Variants in RAB11FIP1 observed in about 807,000 individuals in gnomAD.
RAB11FIP1 encodes rab11 family-interacting protein 1.
Under a neutral mutation model 83.1 loss-of-function variants are expected in RAB11FIP1, and 49 were observed. The observed-to-expected ratio is 0.59, with a 90% CI of 0.47 to 0.75. RAB11FIP1 has a LOEUF of 0.75. RAB11FIP1 is among the 30% of genes least tolerant of loss of function. RAB11FIP1 has a pLI of 0.00. For missense variants in RAB11FIP1, 1,536 were observed against 1,598.7 expected, an observed-to-expected ratio of 0.96 and a Z score of 0.67; for synonymous variants, 670 against 656.0, an observed-to-expected ratio of 1.02 and a Z score of -0.33.
Position 37,899,079 on chromosome 8 carries a change from C to A in RAB11FIP1, c.363G>T (p.Arg121Ser). 1 of 1,504,142 alleles carries A rather than the reference C, an allele frequency of 6.6e-7. No homozygotes were observed. Among genetic ancestry groups the A allele is most frequent in the Non-Finnish European group, 8.8e-7 (1 of 1,135,816 alleles). The allele number at this position is 1,504,142 out of a possible 1,614,324, so 93.2% of individuals were successfully genotyped here. A position where few individuals can be genotyped will look rare whatever the true frequency, so the allele number is the denominator to read the frequency against. The change falls in exon 1 of 6, where the codon AGG becomes AGT. Residue 121 changes from arginine (R) to serine (S), a missense_variant. Arg to Ser is a moderately radical substitution (Grantham distance 110, BLOSUM62 -1). Coordinates refer to ENST00000330843, the MANE Select transcript of RAB11FIP1 (RefSeq NM_001002814.3). The surrounding 1 kb of genome is among the most constrained non-coding windows in gnomAD (Gnocchi z 4.5). ...TCCCCGCCCGCACTCACTGCGTCTT[C>A]CTGCGGCCCTGGTCGCGGTGCAGAT... is the stretch of plus-strand genomic sequence containing the variant. ...LRDLHRDQGR[R>S]KTQWYKLKSK...
At chr8:37,892,476 C>A (rs923402557) in intron 1 of RAB11FIP1, among the ~76,000 whole-genome samples, 2 of 144,066 alleles carry the variant, frequency 1.4e-5, no homozygotes, top group Non-Finnish European at 3.1e-5. Context: ...TATTTTGAGA[C>A]GGAGTTTTGC....
At chr8:37,881,327 T>G (rs1806730494) in intron 1 of RAB11FIP1, among the ~76,000 whole-genome samples, 1 of 152,250 alleles carries the variant, frequency 6.6e-6, no homozygotes, top group Non-Finnish European at 1.5e-5. Flanking sequence ...CCAAGACTCC[T>G]GCTTTAAATT....
chr8:37,868,149 C>G (rs1308111046), intron 5 of RAB11FIP1, among the ~76,000 whole-genome samples: 1 of 152,094 alleles, frequency 6.6e-6, no homozygotes, highest in Non-Finnish European at 1.5e-5. Flanking sequence ...AGGCTGGGCG[C>G]GGTGGCTCAC....
At chr8:37,880,442 G>T (rs900729755) in intron 1 of RAB11FIP1, among the ~76,000 whole-genome samples, 2 of 152,058 alleles carry the variant, frequency 1.3e-5, no homozygotes, top group Non-Finnish European at 2.9e-5. Flanking sequence ...GGGACTACAG[G>T]TATATGCCAC....
In RAB11FIP1 at chr8:37,877,254, C is replaced by A; in HGVS notation, c.669G>T (p.Lys223Asn). 13 of 1,614,198 alleles carry A rather than the reference C, an allele frequency of 8.1e-6. No individual in the cohort carries two copies. Among genetic ancestry groups the A allele is most frequent in the Non-Finnish European group, 5.9e-6 (7 of 1,180,040 alleles). Reference protein sequence around the residue: ...KKSKIKTLLSKSNLQKTPLSQ... With the variant: ...KKSKIKTLLSNSNLQKTPLSQ... Reference sequence around the variant, plus strand: ...AAAGAGGCGTCTTCTGCAAATTTGACTTGGAAAGTAAGGTCTTGATCTTTG... The same window carrying A: ...AAAGAGGCGTCTTCTGCAAATTTGAATTGGAAAGTAAGGTCTTGATCTTTG... Residue 223 changes from lysine (K) to asparagine (N), a missense_variant, in exon 2 of 6, where the codon AAG becomes AAT. Transcript: ENST00000330843.
At position 37,871,766 on chromosome 8, in the gene RAB11FIP1, C is replaced by G; in HGVS notation, c.3036G>C (p.Lys1012Asn). 6.2e-7 allele frequency: 1 copy of G among 1,613,962 alleles called. No individual in the cohort carries two copies. Among genetic ancestry groups the G allele is most frequent in the Non-Finnish European group, 8.5e-7 (1 of 1,179,962 alleles). ...GLVVPCPERGKGPSGEADRLV... is the reference protein window; with the variant it reads ...GLVVPCPERGNGPSGEADRLV... ...ACCTATCTGCCTCGCCACTGGGCCCCTTTCCCCTCTCAGGACAGGGGACTA... is the reference window on the plus strand; with the variant it reads ...ACCTATCTGCCTCGCCACTGGGCCCGTTTCCCCTCTCAGGACAGGGGACTA... Residue 1012 changes from lysine to asparagine, a missense_variant, in exon 4 of 6, where the codon AAG becomes AAC. Coordinates refer to ENST00000330843, the MANE Select transcript of RAB11FIP1 (RefSeq NM_001002814.3).
Position 37,873,462 on chromosome 8 carries a change from C to T in RAB11FIP1, c.1623-283G>A, listed in dbSNP as rs576742989. 3.9e-5 allele frequency among the ~76,000 whole-genome samples: 6 copies of T among 152,102 alleles called. No homozygotes were observed. In the South Asian group the frequency reaches 8.3e-4, roughly 21 times the overall value. On this transcript the variant is annotated intron_variant, in intron 3 of 5. Coordinates refer to ENST00000330843, the MANE Select transcript of RAB11FIP1 (RefSeq NM_001002814.3). ...TCTACTGAAAAATGCAAAAATTAGC[C>T]GGGTGTGGTGGTGTGCACCTGTAGT... is the stretch of plus-strand genomic sequence containing the variant.
chr8:37,864,347 G>GA (rs928413923), intron 5 of RAB11FIP1, among the ~76,000 whole-genome samples: 7 of 151,730 alleles, frequency 4.6e-5, no homozygotes, highest in Non-Finnish European at 1.0e-4. Context: ...CCCCAGTAAG[G>GA]AAAAAAAAGT....
chr8:37,872,012 G>A lies in RAB11FIP1; in HGVS notation c.2790C>T (p.His930=), dbSNP rs759132022. 2.1e-5 allele frequency: 34 copies of A among 1,614,106 alleles called. No homozygotes were observed. Among genetic ancestry groups the A allele is most frequent in the African/African-American group, 6.7e-5 (5 of 75,016 alleles). The change falls in exon 4 of 6, where the codon CAC becomes CAT. Residue 930 remains histidine, a synonymous_variant. Coordinates refer to ENST00000330843, the MANE Select transcript of RAB11FIP1 (RefSeq NM_001002814.3). ...TCAAGGGGTCAGACAATAAACCTTC[G>A]TGGTCACTGGCTTTGCTCTGATACT... ...VTQYQSKASD[H]EGLLSDPLSD... is the part of the protein sequence containing the mutation.
At chr8:37,887,688 C>A (rs1233712905) in intron 1 of RAB11FIP1, among the ~76,000 whole-genome samples, 2 of 152,138 alleles carry the variant, frequency 1.3e-5, no homozygotes, top group Non-Finnish European at 2.9e-5. Context: ...GGACAGGATC[C>A]TCTTCTGAAA....
At chr8:37,875,428 G>A (rs1806587835) in intron 2 of RAB11FIP1, 106 bp from the exon 3 acceptor site, 4 of 796,278 alleles carry the variant, frequency 5.0e-6, no homozygotes, top group African/African-American at 1.7e-5. Context: ...CCACAACTTG[G>A]AGGGGGTGTG....
rs778331427 is a variant in RAB11FIP1 at position 37,873,209 on chromosome 8, G to C, written c.1623-30C>G. 13 of 1,545,662 alleles carry C rather than the reference G, an allele frequency of 8.4e-6. No homozygotes were observed. The East Asian group carries it at 2.9e-4, about 35-fold the overall frequency. On this transcript the variant is annotated intron_variant, in intron 3 of 5. Coordinates refer to ENST00000330843, the MANE Select transcript of RAB11FIP1 (RefSeq NM_001002814.3). ...AAAAAGGACAAAATAAAATCTGCAG[G>C]TCAGTGCAGATGCATCACGAGAGAC...
Position 37,863,004 on chromosome 8 carries a change from A to G in RAB11FIP1, c.3743T>C (p.Val1248Ala). The change falls in exon 6 of 6, where the codon GTC (valine) becomes GCC (alanine). Residue 1248 changes from valine (V) to alanine (A), a missense_variant. Physicochemically the swap from Val to Ala is moderately conservative, Grantham distance 64. Transcript: ENST00000330843. ...KETISKKEFQ[V>A]RELEDYIDNL... ...GTCAATGTAGTCTTCCAGCTCGCGG[A>G]CCTGGAACTCCTTCTTGCTTATCGT... 6.2e-7 allele frequency: 1 copy of G among 1,613,584 alleles called. No homozygotes were observed. The highest frequency in any genetic ancestry group is 2.2e-5 in the East Asian group (1 of 44,868).
In RAB11FIP1 at chr8:37,872,955, G is replaced by A; in HGVS notation, c.1847C>T (p.Pro616Leu). Residue 616 changes from proline (P) to leucine (L), a missense_variant, in exon 4 of 6, where the codon CCT (proline) becomes CTT (leucine). Transcript: ENST00000330843. ...ISTSTPIESW[P>L]LVDRGQAKSE... ...CTTGGCCTGGCCCCTGTCTACGAGAGGCCAGCTTTCAATTGGAGTGGATGT... is the reference window on the plus strand; with the variant it reads ...CTTGGCCTGGCCCCTGTCTACGAGAAGCCAGCTTTCAATTGGAGTGGATGT... 6 of 1,614,204 alleles carry A rather than the reference G, an allele frequency of 3.7e-6. No individual in the cohort carries two copies. The highest frequency in any genetic ancestry group is 5.1e-6 in the Non-Finnish European group (6 of 1,180,036).
intron 1 of RAB11FIP1, among the ~76,000 whole-genome samples, chr8:37,878,778 T>G (rs901518021): frequency 4.7e-5 from 7 of 149,434 alleles, no homozygotes; most frequent in Admixed American, 1.3e-4. Context: ...GGCAGGAGGA[T>G]CACTTGAGGC....
chr8:37,872,916 G>A lies in RAB11FIP1; in HGVS notation c.1886C>T (p.Pro629Leu), dbSNP rs371900415. 6.2e-7 allele frequency: 1 copy of A among 1,614,222 alleles called. No homozygotes were observed. Among genetic ancestry groups the A allele is most frequent in the East Asian group, 2.2e-5 (1 of 44,886 alleles). The change falls in exon 4 of 6, where the codon CCC (proline) becomes CTC (leucine). Residue 629 changes from proline (P) to leucine (L), a missense_variant. Transcript: ENST00000330843. ...TTGCAACTCTGCCTTAGGGAGCAAG[G>A]GTGGTCCTTCAGACTTGGCCTGGCC... Reference protein sequence around the residue: ...DRGQAKSEGPPLLPKAELQTE... With the variant: ...DRGQAKSEGPLLLPKAELQTE...
chr8:37,875,917 A>G (rs1806596995), intron 2 of RAB11FIP1, among the ~76,000 whole-genome samples: 1 of 152,168 alleles, frequency 6.6e-6, no homozygotes. Flanking sequence ...GAATTTATAC[A>G]TTCTTAGAAA....
intron 3 of RAB11FIP1, among the ~76,000 whole-genome samples, chr8:37,873,509 G>A (rs751473892): frequency 1.3e-5 from 2 of 152,098 alleles, no homozygotes; most frequent in Non-Finnish European, 2.9e-5. Flanking sequence ...GGGAGGCTGA[G>A]GCAGGAGAAC....
At chr8:37,889,959 G>GT (rs781296375) in intron 1 of RAB11FIP1, among the ~76,000 whole-genome samples, 82 of 152,138 alleles carry the variant, frequency 5.4e-4, no homozygotes, top group Non-Finnish European at 9.9e-4. Context: ...AATTTTTTGT[G>GT]TTTTTAGTAG....
Sources: allele counts gnomAD v4.1 joint callset (sites outside exome capture counted in the v4.1 genomes callset), GRCh38; gene constraint gnomAD v4.1.1; non-coding constraint Gnocchi (gnomAD v3.1); transcripts MANE v1.5; gene names NCBI Gene and HGNC (gene_info 2026-07-23, HGNC 2026-07-21).